Variants in STK33 observed in about 807,000 individuals in gnomAD.
The protein encoded by STK33 is serine/threonine kinase 33, also known as serine/threonine-protein kinase 33.
In STK33, 52 loss-of-function variants were observed where a neutral mutation model predicts 58.0. That is an observed-to-expected ratio of 0.90 (90% confidence interval 0.72 to 1.13). The LOEUF is 1.13. STK33 is among the 50% of genes most tolerant of loss of function. The pLI, the probability that STK33 is intolerant of heterozygous loss-of-function variation, is 0.00. For synonymous variants in STK33, 215 were observed against 200.1 expected, an observed-to-expected ratio of 1.07 and a Z score of -0.63; for missense variants, 630 against 604.2, an observed-to-expected ratio of 1.04 and a Z score of -0.45.
At chr11:8,370,467 G>A in the STK33 span, among the ~76,000 whole-genome samples, 7 of 152,122 alleles carry the variant, frequency 4.6e-5, no homozygotes, top group African/African-American at 1.7e-4. Context: ...AAAATGCTGA[G>A]ATTACAGGCA....
chr11:8,367,234 A>G, the STK33 span, among the ~76,000 whole-genome samples: 1 of 152,334 alleles, frequency 6.6e-6, no homozygotes, highest in East Asian at 1.9e-4. Context: ...ATGCATGCCA[A>G]GGTTATGTGT....
intron 1 of STK33, among the ~76,000 whole-genome samples, chr11:8,584,422 A>C (rs36030375): frequency 0.02 from 2,983 of 152,338 alleles, 39 homozygotes; most frequent in Non-Finnish European, 0.03. Flanking sequence ...GGATACATTA[A>C]GGATGGCTGC....
chr11:8,422,911 G>A (rs764429662), intron 14 of STK33, among the ~76,000 whole-genome samples: 1 of 151,110 alleles, frequency 6.6e-6, no homozygotes, highest in African/African-American at 2.4e-5. Context: ...TGCAGCCTCC[G>A]CTCTCCTAGA....
intron 1 of STK33, among the ~76,000 whole-genome samples, chr11:8,493,630 C>G (rs1385163419): frequency 6.6e-6 from 1 of 152,130 alleles, no homozygotes; most frequent in African/African-American, 2.4e-5. Flanking sequence ...CAAAGCCTGG[C>G]AGAGACACAA....
chr11:8,386,032 C>A, the STK33 span, among the ~76,000 whole-genome samples: 3 of 152,186 alleles, frequency 2.0e-5, no homozygotes, highest in Non-Finnish European at 4.4e-5. Flanking sequence ...CTTGGCCTCC[C>A]AAAGTGCTGG....
the STK33 span, among the ~76,000 whole-genome samples, chr11:8,349,977 C>T: frequency 6.6e-6 from 1 of 152,276 alleles, no homozygotes. Flanking sequence ...GAGCTGCGAT[C>T]ATGCACAGGT....
At chr11:8,376,634 C>T in the STK33 span, among the ~76,000 whole-genome samples, 17 of 152,118 alleles carry the variant, frequency 1.1e-4, no homozygotes, top group African/African-American at 3.1e-4. Flanking sequence ...TTCTGCCTCC[C>T]GGGTTCAAGT....
At chr11:8,587,333 T>TCC (rs1468232879) in intron 1 of STK33, among the ~76,000 whole-genome samples, 1 of 152,204 alleles carries the variant, frequency 6.6e-6, no homozygotes, top group African/African-American at 2.4e-5. Context: ...TATTTGCTTT[T>TCC]CAGAATTCTG....
the STK33 span, among the ~76,000 whole-genome samples, chr11:8,357,515 C>A: frequency 1.3e-5 from 2 of 152,252 alleles, no homozygotes; most frequent in African/African-American, 4.8e-5. Flanking sequence ...GGAGGCAGTG[C>A]AGAGCCAGTT....
intron 6 of STK33, chr11:8,467,653 A>G (rs1948346054): frequency 6.6e-6 from 1 of 152,468 alleles, no homozygotes; most frequent in African/African-American, 2.4e-5. Context: ...ACCCAGTTCC[A>G]AAGTCACTTC....
At chr11:8,344,202 C>CAT in the STK33 span, among the ~76,000 whole-genome samples, 2 of 150,112 alleles carry the variant, frequency 1.3e-5, no homozygotes, top group African/African-American at 4.9e-5. Flanking sequence ...AAACAAAACA[C>CAT]ACACACACAC....
intron 14 of STK33, among the ~76,000 whole-genome samples, chr11:8,422,986 A>G (rs545620563): frequency 5.3e-5 from 8 of 150,218 alleles, no homozygotes; most frequent in African/African-American, 1.7e-4. Context: ...TCAGCCGGGC[A>G]TGGGCCACCA....
intron 11 of STK33, among the ~76,000 whole-genome samples, chr11:8,442,295 A>C (rs1401344699): frequency 1.3e-5 from 2 of 152,216 alleles, no homozygotes; most frequent in African/African-American, 4.8e-5. Context: ...TTAAATATGG[A>C]ATTTTTAAAG....
chr11:8,481,109 A>G (rs1949758018), intron 1 of STK33, among the ~76,000 whole-genome samples: 1 of 152,178 alleles, frequency 6.6e-6, no homozygotes, highest in Admixed American at 6.5e-5. Context: ...TGTGTGATGT[A>G]ACATTCTGAC....
intron 11 of STK33, among the ~76,000 whole-genome samples, chr11:8,448,461 C>G (rs1024132263): frequency 1.3e-5 from 2 of 152,082 alleles, no homozygotes; most frequent in Non-Finnish European, 2.9e-5. Flanking sequence ...CAGAACAGAG[C>G]CCTCAGAAAT....
At chr11:8,556,192 A>G (rs1956734934) in intron 1 of STK33, among the ~76,000 whole-genome samples, 1 of 152,184 alleles carries the variant, frequency 6.6e-6, no homozygotes, top group African/African-American at 2.4e-5. Flanking sequence ...CCATAAGGCT[A>G]AGAAGTCTGG....
intron 1 of STK33, among the ~76,000 whole-genome samples, chr11:8,570,985 G>A (rs926778135): frequency 6.6e-6 from 1 of 152,086 alleles, no homozygotes; most frequent in Admixed American, 6.6e-5. Context: ...CTAGAAAACT[G>A]GACAAAATAC....
At chr11:8,389,940 C>T (rs145393660), downstream of STK33, among the ~76,000 whole-genome samples, 12 of 152,298 alleles carry the variant, frequency 7.9e-5, no homozygotes, top group East Asian at 2.1e-3. Flanking sequence ...TGGGAGGGGG[C>T]TAACTTTACC....
the STK33 span, among the ~76,000 whole-genome samples, chr11:8,378,728 C>T: frequency 7.9e-5 from 12 of 152,072 alleles, no homozygotes; most frequent in East Asian, 1.9e-3. Context: ...TGAAAGTAAG[C>T]TACAGATTCA....
Sources: allele counts gnomAD v4.1 joint callset (sites outside exome capture counted in the v4.1 genomes callset), GRCh38; gene constraint gnomAD v4.1.1; transcripts MANE v1.5; gene names NCBI Gene and HGNC (gene_info 2026-07-23, HGNC 2026-07-21).